The following NCKAP5L variants were observed in gnomAD, a reference collection of about 807,000 sequenced individuals.
The protein encoded by NCKAP5L is NCK associated protein 5 like.
A neutral mutation model predicts 103.2 loss-of-function variants in NCKAP5L; 54 were observed. The ratio of observed to expected loss-of-function variants is 0.52; its 90% CI spans 0.42 to 0.66. The LOEUF (loss-of-function observed/expected upper bound fraction) is 0.66, where lower values mean the gene tolerates loss of function less well. Ranked by LOEUF, NCKAP5L falls within the 30% of genes least tolerant of loss-of-function variation. The pLI, the probability that NCKAP5L is intolerant of heterozygous loss-of-function variation, is 0.00. For missense variants in NCKAP5L, 1,733 were observed against 1,750.6 expected (o/e 0.99, Z 0.18); for synonymous variants, 762 against 748.6 (o/e 1.02, Z -0.29).
At chr12:49,802,060 A>T (rs1160377243) in intron 5 of NCKAP5L, 93 bp from the exon 6 acceptor site, 6 of 1,507,642 alleles carry the variant, frequency 4.0e-6, no homozygotes, top group Non-Finnish European at 5.4e-6. Context: ...ATCTGTCTGG[A>T]GGCCCCAGGA....
chr12:49,803,671 G>T (rs1946146966), intron 3 of NCKAP5L, among the ~76,000 whole-genome samples: 1 of 152,190 alleles, frequency 6.6e-6, no homozygotes, highest in African/African-American at 2.4e-5. Context: ...GGTGTTTGGG[G>T]GTTAGGACAC....
At chr12:49,820,320 T>C (rs1946347131) in intron 1 of NCKAP5L, among the ~76,000 whole-genome samples, 2 of 149,136 alleles carry the variant, frequency 1.3e-5, no homozygotes, top group Admixed American at 1.3e-4. Flanking sequence ...GGCCTTTTTT[T>C]TTTTTTTTTT....
At chr12:49,803,233 TC>T (rs1392409138) in intron 3 of NCKAP5L, 68 bp from the exon 4 acceptor site, 6 of 1,539,400 alleles carry the variant, frequency 3.9e-6, no homozygotes, top group Non-Finnish European at 5.4e-6. Context: ...CAGGGCACAT[TC>T]CTTTTGGGAA....
At chr12:49,802,461 A>C (rs548778439) in intron 5 of NCKAP5L, 2 of 167,394 alleles carry the variant, frequency 1.2e-5, no homozygotes, top group Non-Finnish European at 2.6e-5. Context: ...GTTGGCCAGG[A>C]TAGTCTTGAT....
At chr12:49,801,547 A>C (rs1017351772) in intron 6 of NCKAP5L, among the ~76,000 whole-genome samples, 1 of 152,198 alleles carries the variant, frequency 6.6e-6, no homozygotes. Context: ...TCAGTGGCCA[A>C]ATAAGCCTCT....
chr12:49,798,202 G>T, intron 7 of NCKAP5L, 148 bp downstream of exon 7: 1 of 742,616 alleles, frequency 1.3e-6, no homozygotes. Context: ...CAGGGCCAGT[G>T]GCTAGGATTG....
chr12:49,793,674 A>G, intron 9 of NCKAP5L, 60 bp downstream of exon 9: 1 of 1,487,318 alleles, frequency 6.7e-7, no homozygotes. Flanking sequence ...CTAGGGGGTA[A>G]GAGACCTGGC....
intron 5 of NCKAP5L, chr12:49,802,183 C>A (rs1946127376): frequency 3.8e-6 from 2 of 529,664 alleles, no homozygotes; most frequent in East Asian, 3.2e-5. Flanking sequence ...AGTTTATCAC[C>A]CCTGGTGGGA....
At chr12:49,823,498 C>G (rs2137044874) in intron 1 of NCKAP5L, among the ~76,000 whole-genome samples, 1 of 152,262 alleles carries the variant, frequency 6.6e-6, no homozygotes, top group East Asian at 1.9e-4. Flanking sequence ...CCCAGAGTGT[C>G]TAAGGGCAGG....
chr12:49,816,649 T>G (rs915629631), intron 1 of NCKAP5L, among the ~76,000 whole-genome samples: 2 of 151,814 alleles, frequency 1.3e-5, no homozygotes, highest in Middle Eastern at 3.2e-3. Context: ...AATACAAAAA[T>G]TAGCCAGGCA....
chr12:49,809,150 G>A (rs555124816), intron 1 of NCKAP5L, among the ~76,000 whole-genome samples: 5 of 152,274 alleles, frequency 3.3e-5, no homozygotes, highest in Admixed American at 1.3e-4. Flanking sequence ...AGTCAGTCAC[G>A]GAGGGCCCCA....
At position 49,796,236 on chromosome 12, in the gene NCKAP5L, AG is replaced by A. The variant is rs1259135668; in HGVS notation, c.1623del (p.Leu542CysfsTer46). ...DSTQLRPPQS[A>X]LSTTLSPGPV... is the part of the protein sequence containing the mutation. Reference sequence around the variant, plus strand: ...GGGCCTGGGGACAGCGTGGTGGACAAGGCTGACTGCGGGGGTCTGAGCTGTG... The same window carrying A: ...GGGCCTGGGGACAGCGTGGTGGACAAGCTGACTGCGGGGGTCTGAGCTGTG... On this transcript the variant is annotated frameshift_variant, in exon 8 of 13. Coordinates refer to ENST00000335999, the MANE Select transcript of NCKAP5L (RefSeq NM_001037806.4). LOFTEE classifies it high-confidence loss of function. 6.3e-7 allele frequency: 1 copy of A among 1,578,568 alleles called. No homozygotes were observed. The highest frequency in any genetic ancestry group is 1.2e-5 in the South Asian group (1 of 84,434).
chr12:49,820,313 CTT>C (rs55677422), intron 1 of NCKAP5L, among the ~76,000 whole-genome samples: 53 of 121,400 alleles, frequency 4.4e-4, no homozygotes, highest in African/African-American at 1.4e-3. Context: ...ATCTCCTGGC[CTT>C]TTTTTTTTTT....
At chr12:49,815,855 T>G (rs1282636528) in intron 1 of NCKAP5L, among the ~76,000 whole-genome samples, 1 of 152,152 alleles carries the variant, frequency 6.6e-6, no homozygotes, top group Non-Finnish European at 1.5e-5. Flanking sequence ...TGTATTTTCC[T>G]TGCCACAAAC....
Position 49,792,104 on chromosome 12 carries a change from G to T in NCKAP5L, c.3793-53C>A. On this transcript the variant is annotated intron_variant, in intron 12 of 12. Coordinates refer to ENST00000335999, the MANE Select transcript of NCKAP5L (RefSeq NM_001037806.4). This position sits in a 1 kb window ranked among gnomAD's most constrained non-coding sequence, Gnocchi z 4.5. Reference sequence around the variant, plus strand: ...AAGCTCCTCTCCACCTTTCGGCCCAGCCTCAGAGGCACTGAGCTCTGAGGG... The same window carrying T: ...AAGCTCCTCTCCACCTTTCGGCCCATCCTCAGAGGCACTGAGCTCTGAGGG... 2 of 1,431,684 alleles carry T rather than the reference G, an allele frequency of 1.4e-6. No individual in the cohort carries two copies. Among genetic ancestry groups the T allele is most frequent in the Non-Finnish European group, 1.8e-6 (2 of 1,082,222 alleles). The allele number at this position is 1,431,684 out of a possible 1,614,324, so 88.7% of individuals were successfully genotyped here.
intron 6 of NCKAP5L, among the ~76,000 whole-genome samples, chr12:49,798,711 A>C (rs1418353220): frequency 6.6e-6 from 1 of 152,168 alleles, no homozygotes; most frequent in Non-Finnish European, 1.5e-5. Context: ...GAATGTCCCG[A>C]GCCCAGAGGG....
rs117367071 is a variant in NCKAP5L, at chr12:49,824,722, G to C, written c.-99+3600C>G. Reference sequence around the variant, plus strand: ...CTGCGTGCCTGGTACTGTGACAGATGCCGGGACAGACAAAATCTAAGCTCC... The same window carrying C: ...CTGCGTGCCTGGTACTGTGACAGATCCCGGGACAGACAAAATCTAAGCTCC... On this transcript the variant is annotated intron_variant, in intron 1 of 12. Coordinates refer to ENST00000335999, the MANE Select transcript of NCKAP5L (RefSeq NM_001037806.4). Among the ~76,000 whole-genome samples the C allele has an allele frequency of 7.3e-3, 1,106 of 152,392 alleles. 12 individuals carry two copies. Among genetic ancestry groups the C allele is most frequent in the Non-Finnish European group, 0.013 (881 of 68,040 alleles).
Position 49,793,796 on chromosome 12 carries a change from C to A in NCKAP5L, c.3196G>T (p.Ala1066Ser), listed in dbSNP as rs191603809. The A allele has an allele frequency of 0.01, 16,792 of 1,604,938 alleles. 106 individuals carry two copies. Among genetic ancestry groups the A allele is most frequent in the Non-Finnish European group, 0.013 (14,933 of 1,175,508 alleles). ...VSSDPKSPWP[A>S]CGPRNGLVGP... ...ACCAGGCCATTCCGGGGCCCACAGG[C>A]TGGCCAGGGGCTCTTGGGGTCAGAA... Residue 1066 changes from alanine (A) to serine (S), a missense_variant, in exon 9 of 13, where the codon GCC (alanine) becomes TCC (serine). By Grantham distance (99) the Ala-to-Ser change is moderately conservative (BLOSUM62 1). Coordinates refer to ENST00000335999, the MANE Select transcript of NCKAP5L (RefSeq NM_001037806.4).
chr12:49,801,195 T>C (rs1163723668), intron 6 of NCKAP5L, among the ~76,000 whole-genome samples: 1 of 152,166 alleles, frequency 6.6e-6, no homozygotes, highest in Non-Finnish European at 1.5e-5. Flanking sequence ...AAAGTGCTTC[T>C]CTTCTTGTCA....
Sources: gnomAD v4.1 joint callset for allele counts (sites outside exome capture counted in the v4.1 genomes callset) on GRCh38, gnomAD v4.1.1 for gene constraint, Gnocchi (gnomAD v3.1) non-coding constraint, MANE v1.5 for transcripts, NCBI Gene and HGNC (gene_info 2026-07-23, HGNC 2026-07-21) for gene names.